The following ITGA3 variants were observed in gnomAD, a reference collection of about 807,000 sequenced individuals.
ITGA3 encodes integrin subunit alpha 3, also known as integrin alpha-3.
In ITGA3, 70 loss-of-function variants were observed where a neutral mutation model predicts 131.1. That is an observed-to-expected ratio of 0.53 (90% CI 0.44 to 0.65). The LOEUF is 0.65. Among genes scored for constraint, ITGA3 ranks in the 30% least tolerant of loss-of-function variants. The pLI, the probability that ITGA3 is intolerant of heterozygous loss-of-function variation, is 0.00. For missense variants in ITGA3, 1,098 were observed against 1,388.6 expected, an observed-to-expected ratio of 0.79 and a Z score of 3.33; for synonymous variants, 537 against 571.6, an observed-to-expected ratio of 0.94 and a Z score of 0.86.
chr17:50,074,316 T>C (rs373427028), intron 9 of ITGA3, 36 bp downstream of exon 9: 2 of 1,609,932 alleles, frequency 1.2e-6, no homozygotes, highest in African/African-American at 2.7e-5. Flanking sequence ...GGTCTTTCTC[T>C]TCTTCATCTT....
rs764615826 is a variant in ITGA3, at chr17:50,076,430, C to T, written c.1779C>T (p.Ala593=). 6.2e-7 allele frequency: 1 copy of T among 1,611,302 alleles called. No homozygotes were observed. The highest frequency in any genetic ancestry group is 1.7e-5 in the Admixed American group (1 of 60,010). The change falls in exon 13 of 26, where the codon GCC becomes GCT. Residue 593 remains alanine (A), a synonymous_variant. Transcript: ENST00000320031. The part of the protein sequence containing the change: ...RPRLGLRSLD[A]YPILNQAQAL... ...GGCTGGGGCTGCGGTCCCTGGACGCCTACCCGATCCTCAACCAGGCACAGG... is the reference window on the plus strand; with the variant it reads ...GGCTGGGGCTGCGGTCCCTGGACGCTTACCCGATCCTCAACCAGGCACAGG...
At position 50,088,376 on chromosome 17, in the gene ITGA3, C is replaced by A. The variant is rs1306333580; in HGVS notation, c.*31+10C>A. On this transcript the variant is annotated intron_variant, in intron 25 of 25. Coordinates refer to ENST00000320031, the MANE Select transcript of ITGA3 (RefSeq NM_002204.4). The stretch of plus-strand genomic sequence containing the variant: ...CCCCCGGCCCACCTGGGTAACACGG[C>A]CTCCGGGCCCCCTTCCCCGAGCCCC... The A allele has an allele frequency of 2.1e-6, 3 of 1,433,930 alleles. No individual in the cohort carries two copies. Among genetic ancestry groups the A allele is most frequent in the Non-Finnish European group, 2.9e-6 (3 of 1,041,364 alleles). The allele number at this position is 1,433,930 out of a possible 1,614,324, so 88.8% of individuals were successfully genotyped here.
chr17:50,077,415 G>C lies in ITGA3; in HGVS notation c.2107G>C (p.Glu703Gln). The change falls in exon 16 of 26, where the codon GAG (glutamate) becomes CAG (glutamine). Residue 703 changes from glutamate to glutamine, a missense_variant. Physicochemically the swap from Glu to Gln is conservative, Grantham distance 29 (BLOSUM62 2). Transcript: ENST00000320031. ...CCAAGCTAATGAGACCATCTTTTGC[G>C]AGCTGGGGAACCCCTTCAAACGGAA... ...ACQANETIFCELGNPFKRNQR... is the reference protein window; with the variant it reads ...ACQANETIFCQLGNPFKRNQR... The C allele has an allele frequency of 1.2e-6, 2 of 1,613,994 alleles. No individual in the cohort carries two copies. The highest frequency in any genetic ancestry group is 2.2e-5 in the East Asian group (1 of 44,882).
chr17:50,076,318 C>T lies in ITGA3; in HGVS notation c.1675-8C>T, dbSNP rs373834648. On this transcript the variant is annotated splice_region_variant and splice_polypyrimidine_tract_variant and intron_variant, in intron 12 of 25. Coordinates refer to ENST00000320031, the MANE Select transcript of ITGA3 (RefSeq NM_002204.4). ...CAGGGCCGGGCTCAGCTCACCCTCT[C>T]TCCCCAGGACAACCTCCGTGACAAA... The T allele has an allele frequency of 5.6e-5, 91 of 1,612,384 alleles. 1 individual carries two copies. The Admixed American group carries it at 1.5e-3, about 26-fold the overall frequency.
chr17:50,080,818 G>A (rs1909156398), intron 22 of ITGA3, among the ~76,000 whole-genome samples: 1 of 151,988 alleles, frequency 6.6e-6, no homozygotes, highest in East Asian at 1.9e-4. Context: ...TATCACGCTC[G>A]ACTCTGGGTT....
At chr17:50,067,626 G>A (rs1205050556) in intron 3 of ITGA3, among the ~76,000 whole-genome samples, 4 of 152,188 alleles carry the variant, frequency 2.6e-5, no homozygotes, top group African/African-American at 9.7e-5. Flanking sequence ...CACTCATGAA[G>A]TGTTAGCTGC....
rs751827760 is a variant in ITGA3 at position 50,075,748 on chromosome 17, C to T, written c.1674+13C>T. On this transcript the variant is annotated intron_variant, in intron 12 of 25. Transcript: ENST00000320031. ...GCTGCTCCTGATGGTGAGGGAGGAGCAAGGGTCAGGATGAGGGCTCCCAGG... is the reference window on the plus strand; with the variant it reads ...GCTGCTCCTGATGGTGAGGGAGGAGTAAGGGTCAGGATGAGGGCTCCCAGG... 3 of 1,613,610 alleles carry T rather than the reference C, an allele frequency of 1.9e-6. No homozygotes were observed. Among genetic ancestry groups the T allele is most frequent in the Admixed American group, 1.7e-5 (1 of 60,002 alleles).
chr17:50,073,796 C>T (rs1908744970), intron 7 of ITGA3, 120 bp from the exon 8 acceptor site: 1 of 727,616 alleles, frequency 1.4e-6, no homozygotes, highest in South Asian at 1.6e-5. Context: ...TGCTCTGAGC[C>T]CTGCCCATCA....
At position 50,078,293 on chromosome 17, in the gene ITGA3, C is replaced by T. The variant is rs368942337; in HGVS notation, c.2297+9C>T. 2.2e-5 allele frequency: 36 copies of T among 1,608,628 alleles called. No homozygotes were observed. Among genetic ancestry groups the T allele is most frequent in the East Asian group, 4.5e-5 (2 of 44,834 alleles). ...CAGACCTCGCTTAGCATGTGGGTACCGCTCTCCACCACCCCCACCCCAGCC... is the reference window on the plus strand; with the variant it reads ...CAGACCTCGCTTAGCATGTGGGTACTGCTCTCCACCACCCCCACCCCAGCC... On this transcript the variant is annotated intron_variant, in intron 18 of 25. Transcript: ENST00000320031.
At position 50,080,325 on chromosome 17, in the gene ITGA3, G is replaced by A; in HGVS notation, c.2770G>A (p.Val924Ile). ...GTGCCCCATCCCTGATGCCCCCGTTGTCACCAACGTGACTGTGAAGGCACG... is the reference window on the plus strand; with the variant it reads ...GTGCCCCATCCCTGATGCCCCCGTTATCACCAACGTGACTGTGAAGGCACG... The part of the protein sequence containing the change: ...LECPIPDAPV[V>I]TNVTVKARVW... Residue 924 changes from valine to isoleucine, a missense_variant, in exon 22 of 26, where the codon GTC becomes ATC. By Grantham distance (29) the Val-to-Ile change is conservative. Coordinates refer to ENST00000320031, the MANE Select transcript of ITGA3 (RefSeq NM_002204.4). 1 of 1,613,568 alleles carries A rather than the reference G, an allele frequency of 6.2e-7. No individual in the cohort carries two copies. Among genetic ancestry groups the A allele is most frequent in the Non-Finnish European group, 8.5e-7 (1 of 1,179,868 alleles).
chr17:50,076,823 G>T lies in ITGA3; in HGVS notation c.1922+142G>T, dbSNP rs1277849976. On this transcript the variant is annotated intron_variant, in intron 14 of 25. Transcript: ENST00000320031. ...GAACAGGTGGGATGGTCAGAAACGG[G>T]GCTTTCTCCTCCAGGTGCGACTAGA... The T allele has an allele frequency of 1.5e-5, 18 of 1,171,786 alleles. No individual in the cohort carries two copies. In the East Asian group the frequency reaches 3.8e-4, roughly 24 times the overall value. 72.6% of individuals were successfully genotyped at this position (1,171,786 alleles called of 1,614,324 possible).
At chr17:50,060,461 C>T (rs1447241634) in intron 1 of ITGA3, among the ~76,000 whole-genome samples, 2 of 152,226 alleles carry the variant, frequency 1.3e-5, no homozygotes, top group Non-Finnish European at 2.9e-5. Flanking sequence ...CTGCTTTCTC[C>T]TTGGCTGTTC....
In ITGA3 at chr17:50,072,026, A is replaced by T. The variant is rs772187398; in HGVS notation, c.1000A>T (p.Arg334Trp). The stretch of plus-strand genomic sequence containing the variant: ...GGTGGGCGCCCCCTACTACTTCGAG[A>T]GGAAAGAGGAAGTAGGGGGTGCCAT... ...LLVGAPYYFE[R>W]KEEVGGAIYV... The change falls in exon 7 of 26, where the codon AGG (arginine) becomes TGG (tryptophan). Residue 334 changes from arginine to tryptophan, a missense_variant. Around this residue, in one of 3 missense-constraint regions of ITGA3, gnomAD observed 356 missense variants for 529.2 expected, o/e 0.67. Transcript: ENST00000320031. 2 of 1,613,900 alleles carry T rather than the reference A, an allele frequency of 1.2e-6. No homozygotes were observed. The highest frequency in any genetic ancestry group is 4.5e-5 in the East Asian group (2 of 44,840).
chr17:50,084,939 G>T (rs1436702797), intron 23 of ITGA3, among the ~76,000 whole-genome samples: 1 of 152,112 alleles, frequency 6.6e-6, no homozygotes, highest in Admixed American at 6.5e-5. Flanking sequence ...GAGACCGGGC[G>T]TGGTGGCTCA....
intron 23 of ITGA3, among the ~76,000 whole-genome samples, chr17:50,084,126 C>A (rs928121339): frequency 1.4e-5 from 2 of 145,096 alleles, no homozygotes; most frequent in Non-Finnish European, 3.0e-5. Flanking sequence ...TCTAGCTACT[C>A]AGGAGGCTGA....
intron 24 of ITGA3, 61 bp from the exon 25 acceptor site, chr17:50,088,164 T>A: frequency 6.6e-7 from 1 of 1,515,956 alleles, no homozygotes; most frequent in South Asian, 1.3e-5. Context: ...CCACGAGTGC[T>A]GCTGGTGAGG....
chr17:50,070,166 G>A (rs1484767812), intron 4 of ITGA3, among the ~76,000 whole-genome samples: 1 of 152,174 alleles, frequency 6.6e-6, no homozygotes, highest in African/African-American at 2.4e-5. Context: ...AGAGATAATG[G>A]TGTGGAGTCT....
intron 23 of ITGA3, among the ~76,000 whole-genome samples, chr17:50,082,626 A>G (rs561124972): frequency 9.2e-5 from 14 of 152,246 alleles, no homozygotes; most frequent in South Asian, 4.1e-4. Context: ...AAGTTATTAG[A>G]CCCAATAAGA....
chr17:50,081,354 C>T lies in ITGA3; in HGVS notation c.2865C>T (p.Thr955=). 2 of 1,592,770 alleles carry T rather than the reference C, an allele frequency of 1.3e-6. No homozygotes were observed. Among genetic ancestry groups the T allele is most frequent in the Non-Finnish European group, 1.7e-6 (2 of 1,168,242 alleles). ...GAGTCCGGGTAAATGGCTGGGCTAC[C>T]CTATTCCTCCGAACCAGCATCCCCA... is the stretch of plus-strand genomic sequence containing the variant. ...FDRVRVNGWA[T]LFLRTSIPTI... The change falls in exon 23 of 26, where the codon ACC becomes ACT. Residue 955 remains threonine, a synonymous_variant. Transcript: ENST00000320031.
Sources: gnomAD v4.1 joint callset for allele counts (sites outside exome capture counted in the v4.1 genomes callset) on GRCh38, gnomAD v4.1.1 for gene constraint, gnomAD v4.1.1 regional missense constraint, MANE v1.5 for transcripts, NCBI Gene and HGNC (gene_info 2026-07-23, HGNC 2026-07-21) for gene names.